TOX: variants seen among roughly 807,000 people sequenced by gnomAD.
TOX encodes the protein thymocyte selection-associated high mobility group box protein TOX.
Under a neutral mutation model 53.7 loss-of-function variants are expected in TOX, and 11 were observed. That is an observed-to-expected ratio of 0.20 (90% confidence interval 0.13 to 0.34). The LOEUF (loss-of-function observed/expected upper bound fraction) is 0.34, where lower values mean the gene tolerates loss of function less well. Among genes scored for constraint, TOX ranks in the 10% least tolerant of loss-of-function variants. The pLI, the probability that TOX is intolerant of heterozygous loss-of-function variation, is 1.00. For missense variants in TOX, 570 were observed against 664.6 expected (o/e 0.86, Z 1.56); for synonymous variants, 225 against 245.3 (o/e 0.92, Z 0.77).
chr8:58,834,049 T>G (rs778915899), intron 5 of TOX, among the ~76,000 whole-genome samples: 14 of 152,190 alleles, frequency 9.2e-5, no homozygotes, highest in Admixed American at 6.6e-5. Flanking sequence ...CCGCCTATAC[T>G]CCACAATGAG....
At chr8:58,990,733 T>C (rs1813427034) in intron 1 of TOX, among the ~76,000 whole-genome samples, 1 of 152,166 alleles carries the variant, frequency 6.6e-6, no homozygotes, top group Admixed American at 6.5e-5. Context: ...GTCAGGAATC[T>C]CTGTGCTGGT....
At chr8:59,003,551 G>C (rs1219383828) in intron 1 of TOX, among the ~76,000 whole-genome samples, 1 of 152,098 alleles carries the variant, frequency 6.6e-6, no homozygotes, top group African/African-American at 2.4e-5. Context: ...GAAAGACGGG[G>C]GGAAAAGGAA....
intron 1 of TOX, among the ~76,000 whole-genome samples, chr8:58,992,568 C>G (rs985012690): frequency 6.6e-6 from 1 of 152,088 alleles, no homozygotes; most frequent in African/African-American, 2.4e-5. Flanking sequence ...TCTGAACTTA[C>G]GTTAAAAATC....
intron 1 of TOX, among the ~76,000 whole-genome samples, chr8:58,992,378 TA>T (rs1251443254): frequency 6.6e-6 from 1 of 151,262 alleles, no homozygotes; most frequent in East Asian, 2.0e-4. Flanking sequence ...TGTACAGATT[TA>T]TTTTTTTTTC....
intron 1 of TOX, among the ~76,000 whole-genome samples, chr8:59,024,702 G>A (rs1814203168): frequency 1.3e-5 from 2 of 151,898 alleles, no homozygotes; most frequent in Non-Finnish European, 2.9e-5. Context: ...TATCTCTTCT[G>A]GCTGCTACTT....
At chr8:59,068,490 A>T (rs1417996923) in intron 1 of TOX, among the ~76,000 whole-genome samples, 2 of 151,974 alleles carry the variant, frequency 1.3e-5, no homozygotes, top group African/African-American at 2.4e-5. Flanking sequence ...GAAGAGATGG[A>T]GCAGAATAAG....
At chr8:58,836,326 G>A (rs1810545405) in intron 5 of TOX, among the ~76,000 whole-genome samples, 1 of 152,198 alleles carries the variant, frequency 6.6e-6, no homozygotes, top group African/African-American at 2.4e-5. Context: ...CACACCTCAG[G>A]TTTGGCAGGG....
At chr8:58,930,435 C>A (rs57226085) in intron 3 of TOX, among the ~76,000 whole-genome samples, 4 of 152,124 alleles carry the variant, frequency 2.6e-5, no homozygotes, top group Non-Finnish European at 5.9e-5. Flanking sequence ...GTAATGAGCT[C>A]ATGAGGCAGA....
At chr8:58,868,402 G>A (rs181027475) in intron 3 of TOX, among the ~76,000 whole-genome samples, 88 of 152,202 alleles carry the variant, frequency 5.8e-4, no homozygotes, top group South Asian at 2.1e-3. Context: ...TCTGCACGGT[G>A]GACTAATGAG....
intron 1 of TOX, among the ~76,000 whole-genome samples, chr8:59,059,511 G>T (rs955647729): frequency 6.6e-6 from 1 of 152,078 alleles, no homozygotes; most frequent in Admixed American, 6.6e-5. Context: ...TATCTCCTCT[G>T]AACAACATCA....
rs1408220659 is a variant in TOX, at chr8:59,062,465, A to G, written c.102+56421T>C. Among the ~76,000 whole-genome samples, 4 of 152,242 alleles carry G rather than the reference A, an allele frequency of 2.6e-5. No homozygotes were observed. The South Asian group carries it at 6.2e-4, about 24-fold the overall frequency. On this transcript the variant is annotated intron_variant, in intron 1 of 8. Coordinates refer to ENST00000361421, the MANE Select transcript of TOX (RefSeq NM_014729.3). Reference sequence around the variant, plus strand: ...TTATAAATATGGAAAATTTAACTAGATAATTAAATGTGAATTGAGTTTGAA... The same window carrying G: ...TTATAAATATGGAAAATTTAACTAGGTAATTAAATGTGAATTGAGTTTGAA...
At chr8:59,097,080 C>T (rs1011914918) in intron 1 of TOX, among the ~76,000 whole-genome samples, 1 of 152,216 alleles carries the variant, frequency 6.6e-6, no homozygotes, top group Non-Finnish European at 1.5e-5. Flanking sequence ...TGGAGGTACT[C>T]ACAGCCCGAT....
At chr8:59,101,796 CA>C (rs1241378100) in intron 1 of TOX, among the ~76,000 whole-genome samples, 1 of 152,152 alleles carries the variant, frequency 6.6e-6, no homozygotes, top group Non-Finnish European at 1.5e-5. Flanking sequence ...AACAAACAAA[CA>C]AAACCTTTTA....
intron 3 of TOX, among the ~76,000 whole-genome samples, chr8:58,929,238 C>T (rs12681721): frequency 0.91 from 137,444 of 151,690 alleles, 62,394 homozygotes; most frequent in East Asian, 1. Context: ...AAAAGACACG[C>T]TCTCTGGATG....
At chr8:58,809,055 G>A (rs866979518) in intron 7 of TOX, among the ~76,000 whole-genome samples, 1 of 152,186 alleles carries the variant, frequency 6.6e-6, no homozygotes, top group Non-Finnish European at 1.5e-5. Flanking sequence ...CAGAATCTCT[G>A]AAGTGTATAG....
At chr8:58,810,697 G>GA (rs1810062659) in intron 7 of TOX, among the ~76,000 whole-genome samples, 1 of 151,882 alleles carries the variant, frequency 6.6e-6, no homozygotes, top group Non-Finnish European at 1.5e-5. Flanking sequence ...AACCTAAAAG[G>GA]AAAAAAGTCT....
intron 1 of TOX, among the ~76,000 whole-genome samples, chr8:59,071,840 A>C (rs1372959028): frequency 6.6e-6 from 1 of 152,196 alleles, no homozygotes; most frequent in Non-Finnish European, 1.5e-5. Context: ...AAGAAGACTA[A>C]TCTGGATAAA....
At chr8:58,842,275 C>T (rs780173020) in intron 4 of TOX, among the ~76,000 whole-genome samples, 11 of 151,980 alleles carry the variant, frequency 7.2e-5, no homozygotes, top group Non-Finnish European at 1.3e-4. Context: ...CTCAGTGTGG[C>T]CAGCCATCCT....
rs116505371 is a variant in TOX at position 59,075,041 on chromosome 8, C to T, written c.102+43845G>A. Among the ~76,000 whole-genome samples the T allele has an allele frequency of 4.7e-3, 720 of 152,230 alleles. 5 individuals carry two copies. Among genetic ancestry groups the T allele is most frequent in the African/African-American group, 0.016 (678 of 41,516 alleles). On this transcript the variant is annotated intron_variant, in intron 1 of 8. Transcript: ENST00000361421. ...GAGATGGTAATGGTGAAAATGGGAACGCAGATGTAATCCAGTAAGACAAAT... is the reference window on the plus strand; with the variant it reads ...GAGATGGTAATGGTGAAAATGGGAATGCAGATGTAATCCAGTAAGACAAAT...
Sources: gnomAD v4.1 joint callset for allele counts (sites outside exome capture counted in the v4.1 genomes callset) on GRCh38, gnomAD v4.1.1 for gene constraint, MANE v1.5 for transcripts, NCBI Gene and HGNC (gene_info 2026-07-23, HGNC 2026-07-21) for gene names.